TOPBP1: variants seen among roughly 807,000 people sequenced by gnomAD.
TOPBP1 encodes DNA topoisomerase II binding protein 1, also known as DNA topoisomerase 2-binding protein 1.
In TOPBP1, 28 loss-of-function variants were observed where a neutral mutation model predicts 167.7. The observed-to-expected ratio is 0.17, with a 90% confidence interval of 0.12 to 0.23. The LOEUF (loss-of-function observed/expected upper bound fraction) is 0.23. Ranked by LOEUF, TOPBP1 falls within the 10% of genes least tolerant of loss-of-function variation. The probability of loss-of-function intolerance (pLI) is 1.00; values close to 1 mark genes in which losing one functional copy is unlikely to be tolerated. For synonymous variants in TOPBP1, 598 were observed against 611.4 expected (o/e 0.98, Z 0.32); for missense variants, 1,554 against 1,809.6 (o/e 0.86, Z 2.56).
chr3:133,655,638 T>G (rs193008309), intron 5 of TOPBP1, among the ~76,000 whole-genome samples, 152 bp from the exon 6 acceptor site: 2 of 152,308 alleles, frequency 1.3e-5, no homozygotes, highest in East Asian at 3.9e-4. Context: ...TTACACTAAT[T>G]GTTCACCTAG....
Position 133,638,090 on chromosome 3 carries a change from C to A in TOPBP1, c.2306G>T (p.Arg769Leu), listed in dbSNP as rs745922847. 1 of 1,613,818 alleles carries A rather than the reference C, an allele frequency of 6.2e-7. No homozygotes were observed. Among genetic ancestry groups the A allele is most frequent in the African/African-American group, 1.3e-5 (1 of 74,904 alleles). ...NSDTAEHPGT[R>L]LQTHRKTVVT... ...GACGGTTTTTCTGTGAGTTTGCAGG[C>A]GTGTGCCAGGATGCTCTGCAGTATC... Residue 769 changes from arginine (R) to leucine (L), a missense_variant, in exon 14 of 28, where the codon CGC (arginine) becomes CTC (leucine). Coordinates refer to ENST00000260810, the MANE Select transcript of TOPBP1 (RefSeq NM_007027.4).
intron 13 of TOPBP1, among the ~76,000 whole-genome samples, chr3:133,638,740 T>C (rs1356749251): frequency 6.6e-6 from 1 of 152,210 alleles, no homozygotes; most frequent in Non-Finnish European, 1.5e-5. Flanking sequence ...GCTATTATCT[T>C]ACAAGAGAGG....
At chr3:133,625,600 G>A (rs1393021699) in intron 16 of TOPBP1, among the ~76,000 whole-genome samples, 2 of 152,014 alleles carry the variant, frequency 1.3e-5, no homozygotes, top group Non-Finnish European at 1.5e-5. Flanking sequence ...GTGTGGTGGC[G>A]CATGCCTGTA....
At position 133,602,530 on chromosome 3, in the gene TOPBP1, TA is replaced by T. The variant is rs143378765; in HGVS notation, c.4426-1138del. Among the ~76,000 whole-genome samples the T allele has an allele frequency of 3.9e-5, 6 of 152,360 alleles. No homozygotes were observed. The East Asian group carries it at 1.2e-3, about 29-fold the overall frequency. ...GTTTCCTCAAAATGCACAGAATTGT[TA>T]AAAGCAAAACCTATTTAAAGTAAAA... is the stretch of plus-strand genomic sequence containing the variant. On this transcript the variant is annotated intron_variant, in intron 27 of 27. Coordinates refer to ENST00000260810, the MANE Select transcript of TOPBP1 (RefSeq NM_007027.4).
At chr3:133,612,711 C>CAT (rs368202260) in intron 23 of TOPBP1, among the ~76,000 whole-genome samples, 159 bp from the exon 24 acceptor site, 13 of 152,000 alleles carry the variant, frequency 8.6e-5, no homozygotes, top group Non-Finnish European at 1.9e-4. Context: ...ACTTTATATA[C>CAT]ATATATATAT....
At chr3:133,605,143 G>A (rs1241786640) in intron 27 of TOPBP1, among the ~76,000 whole-genome samples, 1 of 150,936 alleles carries the variant, frequency 6.6e-6, no homozygotes, top group South Asian at 2.1e-4. Flanking sequence ...AGATTGCAGT[G>A]AGCTGAGATC....
intron 23 of TOPBP1, 73 bp from the exon 24 acceptor site, chr3:133,612,625 C>A: frequency 7.4e-7 from 1 of 1,349,290 alleles, no homozygotes; most frequent in Non-Finnish European, 9.8e-7. Context: ...ATCTCAACTA[C>A]GCATAGAAAT....
intron 23 of TOPBP1, 41 bp from the exon 24 acceptor site, chr3:133,612,593 A>G (rs1553721702): frequency 6.5e-7 from 1 of 1,527,192 alleles, no homozygotes; most frequent in East Asian, 2.3e-5. Context: ...TTGATTCCCA[A>G]CTTCTTTCTA....
chr3:133,660,579 C>T (rs1166004214), intron 2 of TOPBP1, among the ~76,000 whole-genome samples: 1 of 152,160 alleles, frequency 6.6e-6, no homozygotes. Context: ...TTCTGCATTT[C>T]GAAGAAACTT....
chr3:133,609,246 CT>C (rs910186459), intron 25 of TOPBP1, among the ~76,000 whole-genome samples: 2 of 151,984 alleles, frequency 1.3e-5, no homozygotes, highest in Non-Finnish European at 2.9e-5. Flanking sequence ...GTATTTTTTT[CT>C]TTTGATTAAT....
chr3:133,656,497 G>A (rs546681364), intron 5 of TOPBP1, among the ~76,000 whole-genome samples, 179 bp downstream of exon 5: 10 of 152,270 alleles, frequency 6.6e-5, no homozygotes, highest in Non-Finnish European at 1.3e-4. Flanking sequence ...TTCTATGCCT[G>A]TCAACTTATA....
rs751062940 is a variant in TOPBP1 at position 133,657,956 on chromosome 3, A to G, written c.220-15T>C. 6.5e-7 allele frequency: 1 copy of G among 1,537,650 alleles called. No individual in the cohort carries two copies. The highest frequency in any genetic ancestry group is 1.3e-5 in the South Asian group (1 of 78,998). On this transcript the variant is annotated splice_polypyrimidine_tract_variant and intron_variant, in intron 3 of 27. Transcript: ENST00000260810. ...CTGCAGCCAAGCTACAAAAAAGAGA[A>G]AAGTTTAAATGAGTTAAGAAGGAAA...
At chr3:133,623,043 A>G in intron 19 of TOPBP1, 48 bp downstream of exon 19, 1 of 1,173,972 alleles carries the variant, frequency 8.5e-7, no homozygotes, top group East Asian at 2.6e-5. Context: ...AAAAATTGAG[A>G]CCTTGTCTCA....
At chr3:133,601,596 G>A (rs993967144) in intron 27 of TOPBP1, among the ~76,000 whole-genome samples, 5 of 152,150 alleles carry the variant, frequency 3.3e-5, no homozygotes, top group South Asian at 4.1e-4. Context: ...AAAGAAATAC[G>A]TGTATGGTTC....
intron 25 of TOPBP1, among the ~76,000 whole-genome samples, chr3:133,609,548 A>G (rs1281065296): frequency 6.6e-6 from 1 of 152,172 alleles, no homozygotes; most frequent in East Asian, 1.9e-4. Context: ...ATAATCTCCA[A>G]GTGTTGGGGG....
chr3:133,607,804 C>T (rs530154200), intron 27 of TOPBP1, among the ~76,000 whole-genome samples: 6 of 152,184 alleles, frequency 3.9e-5, no homozygotes, highest in Non-Finnish European at 5.9e-5. Context: ...TAGATAAAAT[C>T]GTGGATACTA....
chr3:133,654,417 G>A (rs1022101790), intron 6 of TOPBP1, among the ~76,000 whole-genome samples: 5 of 152,122 alleles, frequency 3.3e-5, no homozygotes, highest in African/African-American at 4.8e-5. Context: ...CACATGAAAG[G>A]TTTTTTGGCA....
At chr3:133,620,112 C>G (rs1245804915) in intron 20 of TOPBP1, 43 bp downstream of exon 20, 1 of 1,537,702 alleles carries the variant, frequency 6.5e-7, no homozygotes, top group Non-Finnish European at 8.8e-7. Context: ...AATCCTTTCT[C>G]TCAAGTCATC....
At chr3:133,642,165 T>A (rs1470175636) in intron 12 of TOPBP1, among the ~76,000 whole-genome samples, 4 of 152,074 alleles carry the variant, frequency 2.6e-5, no homozygotes, top group African/African-American at 4.8e-5. Flanking sequence ...CATTTTTTTT[T>A]ATTATTTTTT....
Sources: gnomAD v4.1 joint callset for allele counts (sites outside exome capture counted in the v4.1 genomes callset) on GRCh38, gnomAD v4.1.1 for gene constraint, MANE v1.5 for transcripts, NCBI Gene and HGNC (gene_info 2026-07-23, HGNC 2026-07-21) for gene names.